The following DROSHA variants were observed in gnomAD, a reference collection of about 807,000 sequenced individuals.
DROSHA encodes ribonuclease 3.
DROSHA carries 56 observed loss-of-function variants against 181.9 expected under a neutral mutation model. The observed-to-expected ratio is 0.31, with a 90% CI of 0.25 to 0.38. The LOEUF is 0.38. Among genes scored for constraint, DROSHA ranks in the 10% least tolerant of loss-of-function variants. DROSHA has a pLI of 1.00. For missense variants in DROSHA, 1,218 were observed against 1,743.5 expected, an observed-to-expected ratio of 0.70 and a Z score of 5.37; for synonymous variants, 524 against 591.2, an observed-to-expected ratio of 0.89 and a Z score of 1.65.
chr5:31,406,848 C>T lies in DROSHA; in HGVS notation c.3947+5G>A, dbSNP rs750530655. On this transcript the variant is annotated splice_donor_5th_base_variant and intron_variant, in intron 34 of 35. Transcript: ENST00000344624. ...AAAGCAATTCCAGGTATTCTCTTCT[C>T]ATACCTTGGTCCTTTCCCACAGCCT... 1.8e-5 allele frequency: 29 copies of T among 1,612,392 alleles called. No individual in the cohort carries two copies. Among genetic ancestry groups the T allele is most frequent in the Non-Finnish European group, 2.3e-5 (27 of 1,178,682 alleles).
At position 31,514,839 on chromosome 5, in the gene DROSHA, C is replaced by T; in HGVS notation, c.1290+149G>A. The T allele has an allele frequency of 1.5e-6, 1 of 669,352 alleles. No individual in the cohort carries two copies. The highest frequency in any genetic ancestry group is 2.5e-6 in the Non-Finnish European group (1 of 402,720). 41.5% of individuals were successfully genotyped at this position (669,352 alleles called of 1,614,324 possible). On this transcript the variant is annotated intron_variant, in intron 8 of 35. Transcript: ENST00000344624. This position sits in a 1 kb window ranked among gnomAD's most constrained non-coding sequence, Gnocchi z 4.4. Reference sequence around the variant, plus strand: ...CACAACTGGGGAGGGGTACTACTGGCATCTAACAGGTAGAGCCCAGAGATG... The same window carrying T: ...CACAACTGGGGAGGGGTACTACTGGTATCTAACAGGTAGAGCCCAGAGATG...
rs1397551991 is a variant in DROSHA at position 31,472,076 on chromosome 5, G to C, written c.2228C>G (p.Thr743Ser). 6.2e-7 allele frequency: 1 copy of C among 1,613,616 alleles called. No homozygotes were observed. Among genetic ancestry groups the C allele is most frequent in the Non-Finnish European group, 8.5e-7 (1 of 1,179,776 alleles). Residue 743 changes from threonine (T) to serine (S), a missense_variant, in exon 17 of 36, where the codon ACC (threonine) becomes AGC (serine). Around this residue, in one of 8 missense-constraint regions of DROSHA, gnomAD observed 460 missense variants for 774.2 expected, o/e 0.59. Coordinates refer to ENST00000344624, the MANE Select transcript of DROSHA (RefSeq NM_001382508.1). ...YAEECKGMIV[T>S]NPGTKPSSVR... ...ACCAGAACATACCGTCCCAGGGTTG[G>C]TAACAATCATGCCTTTGCATTCTTC...
intron 12 of DROSHA, 127 bp downstream of exon 12, chr5:31,495,159 G>A: frequency 9.2e-7 from 1 of 1,084,120 alleles, no homozygotes; most frequent in Non-Finnish European, 1.3e-6. Context: ...AGGCCAATTT[G>A]TCAACATAAA....
chr5:31,504,413 T>C lies in DROSHA; in HGVS notation c.1668+142A>G, dbSNP rs896269596. ...CTCCCAAAACCCAAGTGCTTTCCTCTGCAATTATCAGTAAGAGACTATTAG... is the reference window on the plus strand; with the variant it reads ...CTCCCAAAACCCAAGTGCTTTCCTCCGCAATTATCAGTAAGAGACTATTAG... On this transcript the variant is annotated intron_variant, in intron 11 of 35. Transcript: ENST00000344624. 1.3e-5 allele frequency: 12 copies of C among 933,600 alleles called. No individual in the cohort carries two copies. The African/African-American group carries it at 2.0e-4, about 16-fold the overall frequency. 57.8% of individuals were successfully genotyped at this position (933,600 alleles called of 1,614,324 possible).
At chr5:31,476,557 T>C (rs1750392549) in intron 16 of DROSHA, among the ~76,000 whole-genome samples, 1 of 152,158 alleles carries the variant, frequency 6.6e-6, no homozygotes, top group Non-Finnish European at 1.5e-5. Context: ...CACAAATCCA[T>C]GTTGAAATCT....
intron 6 of DROSHA, among the ~76,000 whole-genome samples, chr5:31,520,097 G>A (rs761408162): frequency 1.3e-5 from 2 of 152,098 alleles, no homozygotes; most frequent in Admixed American, 1.3e-4. Flanking sequence ...TTTTTTAGAG[G>A]TGGTGCAAAG....
Position 31,470,699 on chromosome 5 carries a change from T to C in DROSHA, c.2241+1364A>G, listed in dbSNP as rs1749629712. On this transcript the variant is annotated intron_variant, in intron 17 of 35. Transcript: ENST00000344624. This position sits in a 1 kb window ranked among gnomAD's most constrained non-coding sequence, Gnocchi z 4.0. ...GTAGCTATATCCTTAAGCCAGGGTA[T>C]CCTTAAGTTTTTTTTTAAACTCTCC... Among the ~76,000 whole-genome samples, 1 of 152,042 alleles carries C rather than the reference T, an allele frequency of 6.6e-6. No individual in the cohort carries two copies. Among genetic ancestry groups the C allele is most frequent in the South Asian group, 2.1e-4 (1 of 4,820 alleles).
chr5:31,505,756 A>T (rs1458939056), intron 10 of DROSHA: 1 of 152,040 alleles, frequency 6.6e-6, no homozygotes, highest in African/African-American at 2.4e-5. Context: ...TTTCTTCTCC[A>T]CTCCCACTGC....
rs552021928 is a variant in DROSHA at position 31,418,314 on chromosome 5, C to T, written c.3525+2958G>A. On this transcript the variant is annotated intron_variant, in intron 30 of 35. Transcript: ENST00000344624. ...GAGAGAGAGACAGAGAGAGGAGAGT[C>T]TTGCTCTGTTGCCCAGCCTGGAGTG... is the stretch of plus-strand genomic sequence containing the variant. 5.3e-5 allele frequency among the ~76,000 whole-genome samples: 8 copies of T among 152,004 alleles called. No homozygotes were observed. In the South Asian group the frequency reaches 1.7e-3, roughly 32 times the overall value.
chr5:31,460,078 C>A (rs1204137139), intron 20 of DROSHA, among the ~76,000 whole-genome samples: 1 of 152,096 alleles, frequency 6.6e-6, no homozygotes, highest in Non-Finnish European at 1.5e-5. Flanking sequence ...CAGAAGATAC[C>A]AATTTAACCT....
In DROSHA at chr5:31,421,266, A is replaced by T. The variant is rs1742629894; in HGVS notation, c.3525+6T>A. ...CTTATTGGAGGAAGTGATTTAACCA[A>T]CTCACAGTTAAGTGTCCTTCATGAT... On this transcript the variant is annotated splice_donor_region_variant and intron_variant, in intron 30 of 35. Transcript: ENST00000344624. 1 of 1,608,890 alleles carries T rather than the reference A, an allele frequency of 6.2e-7. No individual in the cohort carries two copies. The highest frequency in any genetic ancestry group is 8.5e-7 in the Non-Finnish European group (1 of 1,175,728).
chr5:31,530,651 ATCT>A, intron 3 of DROSHA, 144 bp downstream of exon 3: 3 of 376,176 alleles, frequency 8.0e-6, no homozygotes, highest in Non-Finnish European at 9.4e-6. Flanking sequence ...AAAAAAAAAA[ATCT>A]CCCAACGTAT....
chr5:31,423,601 GAA>G (rs1400019837), intron 28 of DROSHA, among the ~76,000 whole-genome samples: 1 of 152,142 alleles, frequency 6.6e-6, no homozygotes, highest in Non-Finnish European at 1.5e-5. Context: ...GAGCAAATAT[GAA>G]AAGTGTGATT....
At position 31,411,617 on chromosome 5, in the gene DROSHA, T is replaced by C. The variant is rs1741316980; in HGVS notation, c.3526-730A>G. ...TTATGGTATCTAGCTTGAGTCTCAGTTTTTCATACTGATATCCTTTTTTTT... is the reference window on the plus strand; with the variant it reads ...TTATGGTATCTAGCTTGAGTCTCAGCTTTTCATACTGATATCCTTTTTTTT... On this transcript the variant is annotated intron_variant, in intron 30 of 35. Coordinates refer to ENST00000344624, the MANE Select transcript of DROSHA (RefSeq NM_001382508.1). This position sits in a 1 kb window ranked among gnomAD's most constrained non-coding sequence, Gnocchi z 4.2. Among the ~76,000 whole-genome samples the C allele has an allele frequency of 6.6e-6, 1 of 152,212 alleles. No homozygotes were observed. Among genetic ancestry groups the C allele is most frequent in the South Asian group, 2.1e-4 (1 of 4,836 alleles).
At position 31,475,690 on chromosome 5, in the gene DROSHA, G is replaced by A. The variant is rs60540631; in HGVS notation, c.2072-3458C>T. On this transcript the variant is annotated intron_variant, in intron 16 of 35. Transcript: ENST00000344624. ...TGGTGAGATTACTTAAGAGTACCAG[G>A]GACTTTAAGGACACAATAGGGGTCT... is the stretch of plus-strand genomic sequence containing the variant. 8.5e-3 allele frequency among the ~76,000 whole-genome samples: 1,296 copies of A among 152,268 alleles called. 24 individuals are homozygous for A. Among genetic ancestry groups the A allele is most frequent in the African/African-American group, 0.029 (1,223 of 41,552 alleles).
At chr5:31,508,906 T>C in intron 9 of DROSHA, 131 bp from the exon 10 acceptor site, 1 of 1,037,454 alleles carries the variant, frequency 9.6e-7, no homozygotes, top group Non-Finnish European at 1.3e-6. Context: ...CACTGCAAAC[T>C]CCACCTCCCG....
At chr5:31,439,171 T>C (rs145087162) in intron 23 of DROSHA, among the ~76,000 whole-genome samples, 102 of 152,292 alleles carry the variant, frequency 6.7e-4, no homozygotes, top group African/African-American at 2.4e-3. Flanking sequence ...CCTTCCACTG[T>C]TTCAGTTACC....
rs750104831 is a variant in DROSHA, at chr5:31,495,301, C to CGGGGA, written c.1735_1739dup (p.Thr582ArgfsTer6). 3 of 1,613,594 alleles carry CGGGGA rather than the reference C, an allele frequency of 1.9e-6. No homozygotes were observed. ...AGAAACTTACTAAAAAGTTCGTAGG[C>CGGGGA]GGGGAGACTGTGATCCGGTAGTGGA... On this transcript the variant is annotated frameshift_variant, in exon 12 of 36. Coordinates refer to ENST00000344624, the MANE Select transcript of DROSHA (RefSeq NM_001382508.1). LOFTEE classifies it high-confidence loss of function.
At chr5:31,443,102 C>A (rs1464087303) in intron 23 of DROSHA, among the ~76,000 whole-genome samples, 1 of 150,992 alleles carries the variant, frequency 6.6e-6, no homozygotes, top group South Asian at 2.1e-4. Context: ...TCACTGCAAC[C>A]TCCACCTCCT....
Sources: allele counts gnomAD v4.1 joint callset (sites outside exome capture counted in the v4.1 genomes callset), GRCh38; gene constraint gnomAD v4.1.1; regional missense constraint gnomAD v4.1.1; non-coding constraint Gnocchi (gnomAD v3.1); transcripts MANE v1.5; gene names NCBI Gene and HGNC (gene_info 2026-07-23, HGNC 2026-07-21).